The following PAQR5 variants were observed in gnomAD, a reference collection of about 807,000 sequenced individuals.
PAQR5 encodes progestin and adipoQ receptor family member 5, also known as membrane progestin receptor gamma.
A neutral mutation model predicts 34.5 loss-of-function variants in PAQR5; 20 were observed. That is an observed-to-expected ratio of 0.58 (90% CI 0.41 to 0.84). The LOEUF (loss-of-function observed/expected upper bound fraction) is 0.84. Among genes scored for constraint, PAQR5 ranks in the 40% least tolerant of loss-of-function variants. The pLI, the probability that PAQR5 is intolerant of heterozygous loss-of-function variation, is 0.00. For missense variants in PAQR5, 378 were observed against 412.7 expected (o/e 0.92, Z 0.73); for synonymous variants, 131 against 155.6 (o/e 0.84, Z 1.18).
intron 5 of PAQR5, among the ~76,000 whole-genome samples, chr15:69,388,059 C>T (rs997508666): frequency 2.0e-5 from 3 of 152,176 alleles, no homozygotes; most frequent in South Asian, 2.1e-4. Flanking sequence ...TCAGGAAACA[C>T]GGAAGGAACA....
chr15:69,346,297 A>ATTTTTTTTTTTTT lies in PAQR5; in HGVS notation c.-116+8810_-116+8822dup, dbSNP rs34728909. ...TGTGATTGGCCATGGATATTTTGTA[A>ATTTTTTTTTTTTT]TTTTTTTTTTTTTTTTTTTTTTTTT... On this transcript the variant is annotated intron_variant, in intron 2 of 8. Coordinates refer to ENST00000395407, the MANE Select transcript of PAQR5 (RefSeq NM_017705.4). 2.5e-5 allele frequency among the ~76,000 whole-genome samples: 2 copies of ATTTTTTTTTTTTT among 81,490 alleles called. 1 individual carries two copies. Among genetic ancestry groups the ATTTTTTTTTTTTT allele is most frequent in the Non-Finnish European group, 4.1e-5 (2 of 48,626 alleles). The allele number at this position is 81,490 out of a possible 152,430, so 53.5% of individuals were successfully genotyped here. A position where few individuals can be genotyped will look rare whatever the true frequency, so the allele number is the denominator to read the frequency against.
rs531868270 is a variant in PAQR5 at position 69,298,931 on chromosome 15, C to T, written c.-402C>T. 4.6e-5 allele frequency: 7 copies of T among 152,066 alleles called. No homozygotes were observed. The East Asian group carries it at 1.2e-3, about 25-fold the overall frequency. 9.4% of individuals were successfully genotyped at this position (152,066 alleles called of 1,614,324 possible). On this transcript the variant is annotated 5_prime_UTR_variant, in exon 1 of 9. Coordinates refer to ENST00000395407, the MANE Select transcript of PAQR5 (RefSeq NM_017705.4). ...ACCGGCATGGGTAGGCGCGGCGACCCGCAGGGCCAGGTGCAGGGCCCGCGA... is the reference window on the plus strand; with the variant it reads ...ACCGGCATGGGTAGGCGCGGCGACCTGCAGGGCCAGGTGCAGGGCCCGCGA...
At chr15:69,384,920 A>AACAG in intron 5 of PAQR5, 38 bp downstream of exon 5, 1 of 1,545,076 alleles carries the variant, frequency 6.5e-7, no homozygotes, top group Non-Finnish European at 8.9e-7. Flanking sequence ...TTCCCCTGCA[A>AACAG]CCGGGCTGTT....
Position 69,394,706 on chromosome 15 carries a change from C to G in PAQR5, c.513-2762C>G, listed in dbSNP as rs558646506. 4.7e-3 allele frequency among the ~76,000 whole-genome samples: 717 copies of G among 152,300 alleles called. 4 individuals carry two copies. Among genetic ancestry groups the G allele is most frequent in the African/African-American group, 0.016 (684 of 41,556 alleles). ...CTCTGGTGCGGGACTGCCCTAAGCC[C>G]GAGCAGGCTGGGCTGTGGGGCCGCA... On this transcript the variant is annotated intron_variant, in intron 6 of 8. Coordinates refer to ENST00000395407, the MANE Select transcript of PAQR5 (RefSeq NM_017705.4).
At chr15:69,338,073 T>C (rs755441081) in intron 2 of PAQR5, among the ~76,000 whole-genome samples, 9 of 152,054 alleles carry the variant, frequency 5.9e-5, no homozygotes, top group Non-Finnish European at 1.2e-4. Flanking sequence ...CAAGACTCTG[T>C]CTCAAAACAA....
chr15:69,404,890 A>G lies in PAQR5; in HGVS notation c.*1068A>G, dbSNP rs2056732756. 1 of 398,382 alleles carries G rather than the reference A, an allele frequency of 2.5e-6. No individual in the cohort carries two copies. The highest frequency in any genetic ancestry group is 2.1e-5 in the African/African-American group (1 of 48,618). The allele number at this position is 398,382 out of a possible 1,614,324, so 24.7% of individuals were successfully genotyped here. ...AGGTTAAATGTAGGTTTTGTAGAGG[A>G]GATCTGCACTGGAGCAAGTCTCCCA... is the stretch of plus-strand genomic sequence containing the variant. On this transcript the variant is annotated 3_prime_UTR_variant, in exon 9 of 9. Coordinates refer to ENST00000395407, the MANE Select transcript of PAQR5 (RefSeq NM_017705.4).
At chr15:69,314,557 T>C (rs1052587331) in intron 1 of PAQR5, 2 of 152,254 alleles carry the variant, frequency 1.3e-5, no homozygotes, top group African/African-American at 4.8e-5. Context: ...CCCCCATGGA[T>C]GATAAAGTCT....
chr15:69,370,659 A>G (rs1487974966), intron 3 of PAQR5, among the ~76,000 whole-genome samples: 1 of 152,174 alleles, frequency 6.6e-6, no homozygotes, highest in East Asian at 1.9e-4. Context: ...AGCTGGGATT[A>G]CAGGCACCTG....
chr15:69,364,876 C>A (rs889879855), intron 3 of PAQR5, among the ~76,000 whole-genome samples: 2 of 148,314 alleles, frequency 1.3e-5, no homozygotes, highest in Non-Finnish European at 3.0e-5. Flanking sequence ...TAGCTGGGAT[C>A]ACAGGTGTCC....
chr15:69,399,193 A>G (rs1002202152), intron 7 of PAQR5, among the ~76,000 whole-genome samples: 3 of 152,228 alleles, frequency 2.0e-5, no homozygotes, highest in African/African-American at 7.2e-5. Context: ...AGCCTTAATT[A>G]GGAGCACCAG....
chr15:69,387,204 C>A (rs867915950), intron 5 of PAQR5, among the ~76,000 whole-genome samples: 1 of 152,206 alleles, frequency 6.6e-6, no homozygotes, highest in Admixed American at 6.5e-5. Context: ...GACTGCTTAG[C>A]GGGGCGACTT....
intron 3 of PAQR5, 73 bp from the exon 4 acceptor site, chr15:69,379,810 G>T: frequency 6.4e-7 from 1 of 1,556,256 alleles, no homozygotes; most frequent in Non-Finnish European, 8.7e-7. Flanking sequence ...GCACGGCCTG[G>T]AAGATGTTTC....
intron 2 of PAQR5, among the ~76,000 whole-genome samples, chr15:69,344,283 C>T (rs8041258): frequency 0.87 from 132,983 of 152,268 alleles, 58,853 homozygotes; most frequent in Non-Finnish European, 0.96. Flanking sequence ...TATCTGGGCT[C>T]ATTCAGAGGA....
intron 1 of PAQR5, among the ~76,000 whole-genome samples, chr15:69,320,622 TA>T (rs2054073001): frequency 6.6e-6 from 1 of 152,184 alleles, no homozygotes; most frequent in African/African-American, 2.4e-5. Context: ...ATTTTAAATA[TA>T]AAAATGCTTT....
chr15:69,362,567 G>A (rs552253789), intron 3 of PAQR5, among the ~76,000 whole-genome samples: 20 of 152,316 alleles, frequency 1.3e-4, no homozygotes, highest in African/African-American at 4.1e-4. Flanking sequence ...CCAATACTTG[G>A]TTTTTAGAGT....
intron 3 of PAQR5, among the ~76,000 whole-genome samples, chr15:69,369,184 G>C (rs901513074): frequency 2.0e-5 from 3 of 152,114 alleles, no homozygotes; most frequent in Admixed American, 1.3e-4. Flanking sequence ...GCCGTCTACT[G>C]TTTCTGCTGT....
At chr15:69,396,365 C>G (rs540598823) in intron 6 of PAQR5, among the ~76,000 whole-genome samples, 10 of 152,064 alleles carry the variant, frequency 6.6e-5, no homozygotes, top group African/African-American at 2.4e-4. Flanking sequence ...GACCCCATCC[C>G]TCCAGTGTGA....
In PAQR5 at chr15:69,331,407, TAGG is replaced by T. The variant is rs2054377127; in HGVS notation, c.-276-5929_-276-5927del. On this transcript the variant is annotated intron_variant, in intron 1 of 8. Coordinates refer to ENST00000395407, the MANE Select transcript of PAQR5 (RefSeq NM_017705.4). Reference sequence around the variant, plus strand: ...TCGAGGCAGTTTCTCAGACGGAGAATAGGAGGATAGTTTGGAAGGGATACTCTT... The same window carrying T: ...TCGAGGCAGTTTCTCAGACGGAGAATAGGATAGTTTGGAAGGGATACTCTT... 2.0e-5 allele frequency among the ~76,000 whole-genome samples: 3 copies of T among 152,180 alleles called. No individual in the cohort carries two copies. In the South Asian group the frequency reaches 6.2e-4, roughly 32 times the overall value.
Position 69,302,631 on chromosome 15 carries a change from A to G in PAQR5, c.-277+3575A>G, listed in dbSNP as rs544858725. ...CAGGACTTTTGGGGCCCTGCCAGGA[A>G]CCCTGTGTGACCCCTGGACTCCTCA... On this transcript the variant is annotated intron_variant, in intron 1 of 8. Coordinates refer to ENST00000395407, the MANE Select transcript of PAQR5 (RefSeq NM_017705.4). 3.3e-5 allele frequency among the ~76,000 whole-genome samples: 5 copies of G among 152,210 alleles called. No homozygotes were observed. The East Asian group carries it at 9.7e-4, about 29-fold the overall frequency.
Sources: gnomAD v4.1 joint callset for allele counts (sites outside exome capture counted in the v4.1 genomes callset) on GRCh38, gnomAD v4.1.1 for gene constraint, MANE v1.5 for transcripts, NCBI Gene and HGNC (gene_info 2026-07-23, HGNC 2026-07-21) for gene names.